Variants in PREX2 observed in about 807,000 individuals in gnomAD.
PREX2 encodes the protein phosphatidylinositol 3,4,5-trisphosphate-dependent Rac exchanger 2 protein.
PREX2 carries 107 observed loss-of-function variants against 203.2 expected under a neutral mutation model. That is an observed-to-expected ratio of 0.53 (90% CI 0.45 to 0.62). The LOEUF is 0.62. PREX2 is among the 20% of genes least tolerant of loss of function. The pLI is 0.00. For synonymous variants in PREX2, 672 were observed against 663.6 expected (o/e 1.01, Z -0.19); for missense variants, 1,777 against 1,955.9 (o/e 0.91, Z 1.72).
chr8:68,222,636 T>G (rs558035294), intron 38 of PREX2, among the ~76,000 whole-genome samples: 1 of 147,292 alleles, frequency 6.8e-6, no homozygotes, highest in South Asian at 2.3e-4. Flanking sequence ...CTAAAATCAG[T>G]GAGTGAAAGT....
chr8:68,167,811 A>G (rs957554897), intron 35 of PREX2, among the ~76,000 whole-genome samples: 7 of 152,214 alleles, frequency 4.6e-5, no homozygotes, highest in African/African-American at 4.8e-5. Flanking sequence ...GCTGAGCACT[A>G]GAATTTTAGA....
At chr8:68,142,857 A>G (rs1026006012) in intron 33 of PREX2, among the ~76,000 whole-genome samples, 8 of 152,184 alleles carry the variant, frequency 5.3e-5, no homozygotes, top group Non-Finnish European at 1.2e-4. Context: ...CTAAAGGATT[A>G]AATTTTATAT....
At chr8:68,128,886 G>T (rs16934193) in intron 31 of PREX2, among the ~76,000 whole-genome samples, 1 of 152,116 alleles carries the variant, frequency 6.6e-6, no homozygotes, top group South Asian at 2.1e-4. Flanking sequence ...TGAATGGACC[G>T]AGTTAACCAA....
At chr8:68,214,560 T>C (rs927388976) in intron 37 of PREX2, among the ~76,000 whole-genome samples, 1 of 152,226 alleles carries the variant, frequency 6.6e-6, no homozygotes, top group Non-Finnish European at 1.5e-5. Flanking sequence ...TATATTTATG[T>C]ACCACTGAAA....
chr8:68,069,751 T>C, intron 12 of PREX2, 84 bp from the exon 13 acceptor site: 1 of 628,052 alleles, frequency 1.6e-6, no homozygotes, highest in East Asian at 2.8e-5. Context: ...ATATTGACAG[T>C]GAATTAATTT....
intron 1 of PREX2, among the ~76,000 whole-genome samples, chr8:67,987,470 TG>T (rs1806469089): frequency 6.6e-6 from 1 of 152,094 alleles, no homozygotes; most frequent in Non-Finnish European, 1.5e-5. Flanking sequence ...TGATGTGCAC[TG>T]GGGCAAAATT....
At chr8:68,047,510 CAT>C (rs1277071397) in intron 8 of PREX2, among the ~76,000 whole-genome samples, 12,642 of 74,546 alleles carry the variant, frequency 0.17, 2,033 homozygotes, top group African/African-American at 0.48. Context: ...TATATATACA[CAT>C]ACATATATAT....
At chr8:67,959,484 C>A (rs1805575084) in intron 1 of PREX2, among the ~76,000 whole-genome samples, 1 of 151,870 alleles carries the variant, frequency 6.6e-6, no homozygotes. Context: ...ATGAGCCTAG[C>A]CAAGGGTAGA....
chr8:68,040,818 T>G (rs2129610786), intron 7 of PREX2, among the ~76,000 whole-genome samples: 1 of 152,290 alleles, frequency 6.6e-6, no homozygotes, highest in South Asian at 2.1e-4. Flanking sequence ...GATAGACAGC[T>G]AAGAAACACA....
intron 37 of PREX2, among the ~76,000 whole-genome samples, chr8:68,215,382 C>T (rs1242929396): frequency 6.6e-6 from 1 of 151,742 alleles, no homozygotes; most frequent in African/African-American, 2.4e-5. Flanking sequence ...TTTTTTCCTC[C>T]CCTTGGCTTC....
At chr8:68,149,732 C>T (rs1449399688) in intron 34 of PREX2, among the ~76,000 whole-genome samples, 1 of 152,122 alleles carries the variant, frequency 6.6e-6, no homozygotes, top group Non-Finnish European at 1.5e-5. Flanking sequence ...AGGCTCTGCC[C>T]CATGCAAAAT....
chr8:68,179,133 TG>T (rs1441251370), intron 35 of PREX2, among the ~76,000 whole-genome samples: 1 of 152,178 alleles, frequency 6.6e-6, no homozygotes, highest in African/African-American at 2.4e-5. Context: ...GTCTCTCCTC[TG>T]GTGAATAAGA....
At chr8:68,084,074 G>A (rs1299447223) in intron 18 of PREX2, among the ~76,000 whole-genome samples, 1 of 152,060 alleles carries the variant, frequency 6.6e-6, no homozygotes, top group African/African-American at 2.4e-5. Flanking sequence ...AGCATGCTCT[G>A]TATGCTACTT....
At chr8:68,104,387 C>T (rs943860563) in intron 23 of PREX2, among the ~76,000 whole-genome samples, 1 of 152,176 alleles carries the variant, frequency 6.6e-6, no homozygotes, top group Non-Finnish European at 1.5e-5. Context: ...CTCTCACTGC[C>T]GCTCTGGTCA....
At position 68,082,885 on chromosome 8, in the gene PREX2, C is replaced by A. The variant is rs561657803; in HGVS notation, c.1879-355C>A. The A allele has an allele frequency of 4.7e-5, 8 of 168,422 alleles. No individual in the cohort carries two copies. In the South Asian group the frequency reaches 1.3e-3, roughly 27 times the overall value. The allele number at this position is 168,422 out of a possible 1,614,324, so 10.4% of individuals were successfully genotyped here. A position where few individuals can be genotyped will look rare whatever the true frequency, so the allele number is the denominator to read the frequency against. On this transcript the variant is annotated intron_variant, in intron 17 of 39. Coordinates refer to ENST00000288368, the MANE Select transcript of PREX2 (RefSeq NM_024870.4). Reference sequence around the variant, plus strand: ...AGTTGACACTTTCTGAGTTAATTGGCTATAGGTGGAAAACACAGTAAAAAA... The same window carrying A: ...AGTTGACACTTTCTGAGTTAATTGGATATAGGTGGAAAACACAGTAAAAAA...
At chr8:68,120,813 C>G (rs1403222429) in intron 29 of PREX2, 108 bp from the exon 30 acceptor site, 3 of 849,166 alleles carry the variant, frequency 3.5e-6, no homozygotes, top group Non-Finnish European at 5.3e-6. Context: ...AAATGACCAC[C>G]ATGTCAATAG....
chr8:67,988,562 A>G lies in PREX2; in HGVS notation c.142-29284A>G, dbSNP rs369609995. ...GTCTACCTGACTCTTCTCTTTCATA[A>G]TAGAACACTGGCTCCTGAATGCCTG... On this transcript the variant is annotated intron_variant, in intron 1 of 39. Transcript: ENST00000288368. Among the ~76,000 whole-genome samples, 30 of 152,274 alleles carry G rather than the reference A, an allele frequency of 2.0e-4. No individual in the cohort carries two copies. The East Asian group carries it at 4.1e-3, about 21-fold the overall frequency.
chr8:68,162,884 A>G (rs893040488), intron 35 of PREX2, among the ~76,000 whole-genome samples: 1 of 152,238 alleles, frequency 6.6e-6, no homozygotes, highest in Non-Finnish European at 1.5e-5. Context: ...TTAAGCAAAT[A>G]TTTTAAAATA....
chr8:68,089,843 G>A (rs1194886059), intron 19 of PREX2, among the ~76,000 whole-genome samples: 1 of 152,108 alleles, frequency 6.6e-6, no homozygotes, highest in Non-Finnish European at 1.5e-5. Context: ...TTCATTACAT[G>A]TATTTATTAA....
Sources: allele counts gnomAD v4.1 joint callset (sites outside exome capture counted in the v4.1 genomes callset), GRCh38; gene constraint gnomAD v4.1.1; transcripts MANE v1.5; gene names NCBI Gene and HGNC (gene_info 2026-07-23, HGNC 2026-07-21).